GAB1: variants seen among roughly 807,000 people sequenced by gnomAD.
GAB1 encodes the protein GRB2-associated-binding protein 1.
A neutral mutation model predicts 66.5 loss-of-function variants in GAB1; 19 were observed. The ratio of observed to expected loss-of-function variants is 0.29; its 90% CI spans 0.20 to 0.42. GAB1 has a LOEUF of 0.42. GAB1 is among the 10% of genes least tolerant of loss of function. GAB1 has a pLI of 1.00. For missense variants in GAB1, 732 were observed against 858.5 expected, an observed-to-expected ratio of 0.85 and a Z score of 1.84; for synonymous variants, 294 against 301.4, an observed-to-expected ratio of 0.98 and a Z score of 0.25.
rs1344305945 is a variant in GAB1 at position 143,473,234 on chromosome 4, TTCA to T, written c.*4051_*4053del. The T allele has an allele frequency of 6.6e-6, 1 of 152,218 alleles. No individual in the cohort carries two copies. The highest frequency in any genetic ancestry group is 1.5e-5 in the Non-Finnish European group (1 of 68,036). 9.4% of individuals were successfully genotyped at this position (152,218 alleles called of 1,614,324 possible). ...GTATAAATTTATTTCTCCCCTCTTG[TTCA>T]TCATCTTTTGTAAAGGTCCCATTGT... On this transcript the variant is annotated 3_prime_UTR_variant, in exon 10 of 10. Transcript: ENST00000262994.
At chr4:143,418,017 C>T (rs566871481) in intron 2 of GAB1, among the ~76,000 whole-genome samples, 42 of 152,320 alleles carry the variant, frequency 2.8e-4, no homozygotes, top group Non-Finnish European at 5.7e-4. Flanking sequence ...CTCAGGCCAG[C>T]GTGCCGCTTC....
chr4:143,351,311 G>T (rs1207747100), intron 1 of GAB1, among the ~76,000 whole-genome samples: 1 of 152,188 alleles, frequency 6.6e-6, no homozygotes, highest in African/African-American at 2.4e-5. Context: ...GGAGCCAGAA[G>T]GCAGATGGTT....
At chr4:143,371,786 A>C (rs1199691491) in intron 1 of GAB1, among the ~76,000 whole-genome samples, 2 of 149,884 alleles carry the variant, frequency 1.3e-5, no homozygotes, top group Non-Finnish European at 3.0e-5. Context: ...AGTTTTCCTA[A>C]CACCATTTAT....
At chr4:143,413,410 C>T (rs1344851565) in intron 1 of GAB1, among the ~76,000 whole-genome samples, 1 of 152,122 alleles carries the variant, frequency 6.6e-6, no homozygotes, top group Non-Finnish European at 1.5e-5. Flanking sequence ...TTATCTAAAA[C>T]ATCTATAGGA....
chr4:143,426,580 G>A (rs7666198), intron 2 of GAB1, among the ~76,000 whole-genome samples: 1,790 of 152,106 alleles, frequency 0.012, 28 homozygotes, highest in African/African-American at 0.041. Flanking sequence ...CAAACAGAGC[G>A]CTCAGTGAGT....
chr4:143,342,763 A>G (rs1384883829), intron 1 of GAB1, among the ~76,000 whole-genome samples: 1 of 151,382 alleles, frequency 6.6e-6, no homozygotes, highest in Non-Finnish European at 1.5e-5. Context: ...GGGTTTTGCC[A>G]TGTTGGCCAG....
At chr4:143,399,753 A>T (rs1286862668) in intron 1 of GAB1, among the ~76,000 whole-genome samples, 2 of 152,148 alleles carry the variant, frequency 1.3e-5, no homozygotes, top group African/African-American at 4.8e-5. Context: ...ACATATTTCC[A>T]CAAGTTAAAT....
chr4:143,350,405 G>T lies in GAB1; in HGVS notation c.72+13145G>T, dbSNP rs1177983075. On this transcript the variant is annotated intron_variant, in intron 1 of 9. Transcript: ENST00000262994. ...TAAGGCTTTGTGTTTTAGGCTGGGC[G>T]CAGTGGCTCACCCCTGTAATCCCAG... Among the ~76,000 whole-genome samples the T allele has an allele frequency of 2.6e-5, 4 of 152,056 alleles. No homozygotes were observed. In the South Asian group the frequency reaches 6.2e-4, roughly 24 times the overall value.
At chr4:143,440,697 G>A (rs1165358669) in intron 6 of GAB1, among the ~76,000 whole-genome samples, 2 of 152,164 alleles carry the variant, frequency 1.3e-5, no homozygotes, top group African/African-American at 2.4e-5. Flanking sequence ...TCTAATGGGA[G>A]TAACTAACCT....
intron 1 of GAB1, among the ~76,000 whole-genome samples, chr4:143,372,357 A>C (rs181057950): frequency 1.5e-3 from 225 of 152,234 alleles, no homozygotes; most frequent in Non-Finnish European, 2.6e-3. Flanking sequence ...ACATCTATTT[A>C]TTGAATGCTT....
chr4:143,416,511 C>T (rs1276804069), intron 2 of GAB1, among the ~76,000 whole-genome samples: 1 of 152,182 alleles, frequency 6.6e-6, no homozygotes, highest in Non-Finnish European at 1.5e-5. Context: ...TGGCTCACAC[C>T]TATAATCCCT....
chr4:143,460,042 T>C (rs1034037986), intron 7 of GAB1, among the ~76,000 whole-genome samples: 3 of 152,008 alleles, frequency 2.0e-5, no homozygotes, highest in African/African-American at 7.3e-5. Context: ...TGTGTGTGTA[T>C]ATAGTTTTTA....
chr4:143,392,875 G>GT (rs1731250300), intron 1 of GAB1, among the ~76,000 whole-genome samples: 1 of 152,050 alleles, frequency 6.6e-6, no homozygotes, highest in Non-Finnish European at 1.5e-5. Context: ...GATATCTGAG[G>GT]TTTTTTACTT....
chr4:143,400,535 T>C (rs1186901519), intron 1 of GAB1, among the ~76,000 whole-genome samples: 1 of 152,218 alleles, frequency 6.6e-6, no homozygotes, highest in African/African-American at 2.4e-5. Flanking sequence ...ATCTATGCCA[T>C]GTCTAGGGAG....
chr4:143,363,868 A>T (rs1448062371), intron 1 of GAB1, among the ~76,000 whole-genome samples: 1 of 152,092 alleles, frequency 6.6e-6, no homozygotes, highest in Non-Finnish European at 1.5e-5. Flanking sequence ...CCCTAGAGTT[A>T]CATCTGTTGC....
intron 1 of GAB1, among the ~76,000 whole-genome samples, chr4:143,363,872 C>G (rs575522170): frequency 6.6e-6 from 1 of 152,240 alleles, no homozygotes; most frequent in Admixed American, 6.5e-5. Context: ...AGAGTTACAT[C>G]TGTTGCTTTA....
At chr4:143,404,693 A>G (rs1280726439) in intron 1 of GAB1, among the ~76,000 whole-genome samples, 2 of 152,184 alleles carry the variant, frequency 1.3e-5, no homozygotes, top group Non-Finnish European at 2.9e-5. Flanking sequence ...TGATGCTGCC[A>G]TGAGCCATGA....
intron 2 of GAB1, among the ~76,000 whole-genome samples, chr4:143,416,133 C>T (rs561769634): frequency 3.1e-4 from 47 of 152,306 alleles, no homozygotes; most frequent in Non-Finnish European, 5.4e-4. Flanking sequence ...TGGCCGGGCG[C>T]GGTGGCTCAT....
At chr4:143,437,895 T>C (rs1056920478) in intron 3 of GAB1, 104 bp from the exon 4 acceptor site, 20 of 1,128,664 alleles carry the variant, frequency 1.8e-5, no homozygotes, top group Non-Finnish European at 2.4e-5. Flanking sequence ...AAAAATCTAA[T>C]GAGAAAAGCC....
Sources: allele counts gnomAD v4.1 joint callset (sites outside exome capture counted in the v4.1 genomes callset), GRCh38; gene constraint gnomAD v4.1.1; transcripts MANE v1.5; gene names NCBI Gene and HGNC (gene_info 2026-07-23, HGNC 2026-07-21).